Variants in CYREN observed in about 807,000 individuals in gnomAD.
The protein encoded by CYREN is cell cycle regulator of non-homologous end joining.
Under a neutral mutation model 9.7 loss-of-function variants are expected in CYREN, and 7 were observed. The observed-to-expected ratio is 0.72, with a 90% confidence interval of 0.41 to 1.36. CYREN has a LOEUF of 1.36. CYREN is among the 40% of genes most tolerant of loss of function. The pLI is 0.01. For missense variants in CYREN, 215 were observed against 198.1 expected (o/e 1.09, Z -0.51); for synonymous variants, 76 against 77.9 (o/e 0.98, Z 0.13).
chr7:135,097,546 T>C (rs1028064201), intron 2 of CYREN, among the ~76,000 whole-genome samples: 1 of 152,184 alleles, frequency 6.6e-6, no homozygotes, highest in African/African-American at 2.4e-5. Context: ...ATTCAGTCTG[T>C]GAACTTCTTA....
At chr7:135,116,614 CTCTT>C (rs1333086469) in intron 2 of CYREN, among the ~76,000 whole-genome samples, 2 of 152,100 alleles carry the variant, frequency 1.3e-5, no homozygotes, top group African/African-American at 4.8e-5. Flanking sequence ...AGGAGAGAGA[CTCTT>C]TATAGGCCAG....
chr7:135,145,786 C>A lies in CYREN; in HGVS notation n.356+22963G>T, dbSNP rs191328165. On this transcript the variant is annotated intron_variant and non_coding_transcript_variant, in intron 2 of 2. Transcript: ENST00000459937. Reference sequence around the variant, plus strand: ...GATATGTTGCAGGTTCTGTTCCTGACCACTGCAATAAAGCAAGTATTACAG... The same window carrying A: ...GATATGTTGCAGGTTCTGTTCCTGAACACTGCAATAAAGCAAGTATTACAG... Among the ~76,000 whole-genome samples the A allele has an allele frequency of 9.2e-5, 14 of 152,264 alleles. No homozygotes were observed. The East Asian group carries it at 2.1e-3, about 23-fold the overall frequency.
intron 2 of CYREN, chr7:135,168,577 G>A (rs1034411836): frequency 6.1e-6 from 4 of 652,660 alleles, no homozygotes; most frequent in African/African-American, 5.6e-5. Context: ...CACCAGTGCA[G>A]AGGCAGAAGT....
Position 135,166,848 on chromosome 7 carries a change from G to T in CYREN, c.237C>A (p.Cys79Ter). The change falls in exon 4 of 4, where the codon TGC becomes TGA. Residue 79 changes from cysteine (C) to a stop codon, truncating the protein, a stop_gained. Transcript: ENST00000393114. LOFTEE classifies it low-confidence loss of function (END_TRUNC). ...LIESRKQEKACEQPALAGADN... is the reference protein window; with the variant it reads ...LIESRKQEKA ...CAGCCCCCGCCAGGGCCGGCTGCTC[G>T]CAGGCCTTTTCCTGTTTGCGGCTCT... The T allele has an allele frequency of 6.2e-7, 1 of 1,613,932 alleles. No homozygotes were observed. The highest frequency in any genetic ancestry group is 1.3e-5 in the African/African-American group (1 of 75,028).
rs1223068931 is a variant in CYREN at position 135,166,635 on chromosome 7, G to A, written c.450C>T (p.Tyr150=). The change falls in exon 4 of 4, where the codon TAC becomes TAT. Residue 150 remains tyrosine (Y), a synonymous_variant. Transcript: ENST00000393114. ...EEEEEEDVLK[Y]VREIFFS is the part of the protein sequence containing the mutation. Reference sequence around the variant, plus strand: ...CCTAGCTGAAAAAGATCTCCCGGACGTATTTCAGCACATCCTCTTCCTCCT... The same window carrying A: ...CCTAGCTGAAAAAGATCTCCCGGACATATTTCAGCACATCCTCTTCCTCCT... 1.0e-5 allele frequency: 16 copies of A among 1,601,318 alleles called. No individual in the cohort carries two copies. Among genetic ancestry groups the A allele is most frequent in the Middle Eastern group, 1.7e-4 (1 of 6,050 alleles).
intron 2 of CYREN, chr7:135,147,671 G>A (rs1021315540): frequency 4.7e-6 from 2 of 424,306 alleles, no homozygotes; most frequent in Non-Finnish European, 9.4e-6. Flanking sequence ...AAAGGGGTTG[G>A]GGGACAGACG....
At chr7:135,136,350 G>A (rs1313918824) in intron 2 of CYREN, among the ~76,000 whole-genome samples, 3 of 152,060 alleles carry the variant, frequency 2.0e-5, no homozygotes, top group South Asian at 2.1e-4. Flanking sequence ...TGTTAAAAGA[G>A]TAACTATTAT....
Position 135,105,070 on chromosome 7 carries a change from G to GTTTTTTT in CYREN, n.357-10495_357-10489dup, listed in dbSNP as rs71172498. ...TTATAGTTTTGGGTTTTACATTCAA[G>GTTTTTTT]TTTTTTTTTTTTTTTTTGAGATGGA... On this transcript the variant is annotated intron_variant and non_coding_transcript_variant, in intron 2 of 2. Coordinates refer to the CYREN transcript ENST00000459937. Among the ~76,000 whole-genome samples the GTTTTTTT allele has an allele frequency of 4.7e-5, 6 of 127,078 alleles. No homozygotes were observed. The East Asian group carries it at 6.7e-4, about 14-fold the overall frequency. The allele number at this position is 127,078 out of a possible 152,430, so 83.4% of individuals were successfully genotyped here. A position where few individuals can be genotyped will look rare whatever the true frequency, so the allele number is the denominator to read the frequency against.
At chr7:135,112,157 C>T (rs1213565700) in intron 2 of CYREN, among the ~76,000 whole-genome samples, 1 of 152,224 alleles carries the variant, frequency 6.6e-6, no homozygotes, top group Non-Finnish European at 1.5e-5. Context: ...CCTAATGCTA[C>T]CGCTAATTCA....
intron 2 of CYREN, chr7:135,148,297 A>C (rs1490770739): frequency 2.8e-6 from 1 of 354,362 alleles, no homozygotes; most frequent in Non-Finnish European, 5.5e-6. Flanking sequence ...CAAGCATCAC[A>C]GCTTACCCAG....
At chr7:135,135,263 C>A in intron 2 of CYREN, 1 of 1,510,148 alleles carries the variant, frequency 6.6e-7, no homozygotes, top group South Asian at 1.3e-5. Flanking sequence ...GAGAGTTAAT[C>A]TAGCTTTATA....
At chr7:135,137,562 CA>C (rs1030323033) in intron 2 of CYREN, among the ~76,000 whole-genome samples, 46 of 151,150 alleles carry the variant, frequency 3.0e-4, no homozygotes, top group Non-Finnish European at 6.4e-4. Flanking sequence ...TGATAAATAC[CA>C]AAAAAATCAA....
chr7:135,151,328 G>A lies in CYREN; in HGVS notation n.356+17421C>T, dbSNP rs573066853. 6.6e-6 allele frequency among the ~76,000 whole-genome samples: 1 copy of A among 152,272 alleles called. No homozygotes were observed. Among genetic ancestry groups the A allele is most frequent in the South Asian group, 2.1e-4 (1 of 4,828 alleles). ...CTCATGTTTCTACCAAAGGAAATAT[G>A]ACACATTTCCCTTTCTTCTTCCCTT... On this transcript the variant is annotated intron_variant and non_coding_transcript_variant, in intron 2 of 2. Coordinates refer to the CYREN transcript ENST00000459937. The surrounding 1 kb of genome is among the most constrained non-coding windows in gnomAD (Gnocchi z 4.3).
At chr7:135,169,107 C>T (rs1014743749) in intron 1 of CYREN, 47 bp from the exon 2 acceptor site, 1 of 600,598 alleles carries the variant, frequency 1.7e-6, no homozygotes, top group Admixed American at 3.3e-5. Flanking sequence ...CTCCAGTCAT[C>T]AGGCACAGTT....
intron 1 of CYREN, 141 bp from the exon 2 acceptor site, chr7:135,169,201 G>C: frequency 6.5e-6 from 2 of 307,690 alleles, no homozygotes; most frequent in Non-Finnish European, 1.2e-5. Flanking sequence ...AGGTGTGATT[G>C]TGGGCAGGAC....
upstream of CYREN, among the ~76,000 whole-genome samples, chr7:135,171,671 C>G (rs1430736313): frequency 6.6e-6 from 1 of 152,190 alleles, no homozygotes; most frequent in Admixed American, 6.5e-5. Context: ...GCCAATGCTC[C>G]CAGCTGAATA....
intron 3 of CYREN, chr7:135,167,224 T>G: frequency 9.0e-7 from 1 of 1,117,198 alleles, no homozygotes; most frequent in Non-Finnish European, 1.1e-6. Flanking sequence ...CTAGGAAAAG[T>G]CCCACACCAC....
chr7:135,115,236 T>C, intron 2 of CYREN: 1 of 549,490 alleles, frequency 1.8e-6, no homozygotes, highest in South Asian at 3.0e-5. Context: ...ATTTTATTTG[T>C]TTATTTTCTG....
chr7:135,150,270 G>T (rs1829636778), intron 2 of CYREN, among the ~76,000 whole-genome samples: 1 of 152,210 alleles, frequency 6.6e-6, no homozygotes, highest in African/African-American at 2.4e-5. Context: ...CTTCTGAAGA[G>T]AGGCTTTCCC....
Sources: gnomAD v4.1 joint callset for allele counts (sites outside exome capture counted in the v4.1 genomes callset) on GRCh38, gnomAD v4.1.1 for gene constraint, Gnocchi (gnomAD v3.1) non-coding constraint, MANE v1.5 for transcripts, NCBI Gene and HGNC (gene_info 2026-07-23, HGNC 2026-07-21) for gene names.